ADAMTSL3: variants seen among roughly 807,000 people sequenced by gnomAD.
ADAMTSL3 encodes the protein ADAMTS-like protein 3.
In ADAMTSL3, 128 loss-of-function variants were observed where a neutral mutation model predicts 201.7. The observed-to-expected ratio is 0.63, with a 90% CI of 0.55 to 0.73. ADAMTSL3 has a LOEUF of 0.73. Among genes scored for constraint, ADAMTSL3 ranks in the 30% least tolerant of loss-of-function variants. The pLI is 0.00. For synonymous variants in ADAMTSL3, 738 were observed against 748.4 expected (o/e 0.99, Z 0.23); for missense variants, 1,990 against 2,119.6 (o/e 0.94, Z 1.20).
At chr15:83,768,550 C>T (rs1224796175) in intron 3 of ADAMTSL3, among the ~76,000 whole-genome samples, 1 of 152,126 alleles carries the variant, frequency 6.6e-6, no homozygotes, top group African/African-American at 2.4e-5. Context: ...CAAGAGAGAG[C>T]ATAGTTGCAA....
chr15:83,913,430 T>C, intron 16 of ADAMTSL3, 52 bp downstream of exon 16: 1 of 1,572,184 alleles, frequency 6.4e-7, no homozygotes, highest in African/African-American at 1.3e-5. Context: ...GCTAGTGGTT[T>C]GAGAAATTAC....
At chr15:83,925,899 G>A (rs1259049504) in intron 17 of ADAMTSL3, among the ~76,000 whole-genome samples, 2 of 152,188 alleles carry the variant, frequency 1.3e-5, no homozygotes, top group Non-Finnish European at 2.9e-5. Flanking sequence ...CTGTACAGGA[G>A]CAAGGCACAG....
At chr15:83,839,180 T>TATGTAGAATATAAGAGGAAACCAATAA (rs2064329378) in intron 7 of ADAMTSL3, among the ~76,000 whole-genome samples, 1 of 152,188 alleles carries the variant, frequency 6.6e-6, no homozygotes, top group South Asian at 2.1e-4. Flanking sequence ...CCGCCAAAGA[T>TATGTAGAATATAAGAGGAAACCAATAA]TTGATTTTAA....
intron 3 of ADAMTSL3, among the ~76,000 whole-genome samples, chr15:83,754,270 G>T (rs1304010119): frequency 6.6e-6 from 1 of 152,294 alleles, no homozygotes; most frequent in East Asian, 1.9e-4. Context: ...TGTGAGGCTG[G>T]AAGTTAATAA....
chr15:83,673,798 T>A (rs2061358128), intron 2 of ADAMTSL3, among the ~76,000 whole-genome samples: 1 of 152,214 alleles, frequency 6.6e-6, no homozygotes, highest in Non-Finnish European at 1.5e-5. Flanking sequence ...CAATCCCTGA[T>A]AAGGTCAAGA....
At chr15:83,997,253 A>C (rs1211999520) in intron 23 of ADAMTSL3, among the ~76,000 whole-genome samples, 1 of 152,196 alleles carries the variant, frequency 6.6e-6, no homozygotes, top group African/African-American at 2.4e-5. Context: ...AAGTTTGGGG[A>C]TAGAACTTTA....
At chr15:83,693,149 C>G (rs1240571414) in intron 2 of ADAMTSL3, among the ~76,000 whole-genome samples, 1 of 152,062 alleles carries the variant, frequency 6.6e-6, no homozygotes, top group Non-Finnish European at 1.5e-5. Flanking sequence ...TTGTCTGATA[C>G]TCAGTAATGG....
intron 2 of ADAMTSL3, among the ~76,000 whole-genome samples, chr15:83,683,050 G>A (rs1267819227): frequency 6.6e-6 from 1 of 152,146 alleles, no homozygotes; most frequent in Non-Finnish European, 1.5e-5. Context: ...GAAATATTTG[G>A]ACTTTGGCCA....
intron 16 of ADAMTSL3, among the ~76,000 whole-genome samples, chr15:83,918,541 T>C (rs1171494202): frequency 6.6e-6 from 1 of 152,160 alleles, no homozygotes; most frequent in Admixed American, 6.5e-5. Context: ...ACACGGATAA[T>C]TTCCAGCAGA....
intron 19 of ADAMTSL3, among the ~76,000 whole-genome samples, chr15:83,944,526 C>T (rs2066619547): frequency 6.6e-6 from 1 of 152,148 alleles, no homozygotes; most frequent in South Asian, 2.1e-4. Context: ...ATAGTCATGA[C>T]CTGCTCCTCT....
chr15:83,665,135 G>A (rs1322602786), intron 2 of ADAMTSL3, among the ~76,000 whole-genome samples: 1 of 152,160 alleles, frequency 6.6e-6, no homozygotes, highest in Non-Finnish European at 1.5e-5. Flanking sequence ...TGGAGAGTTA[G>A]CTGTGGACAA....
At chr15:83,942,823 A>AT in intron 18 of ADAMTSL3, 35 bp downstream of exon 18, 1 of 1,608,674 alleles carries the variant, frequency 6.2e-7, no homozygotes, top group Non-Finnish European at 8.5e-7. Context: ...GCCCTCTGTG[A>AT]TTATGACTGT....
At chr15:83,989,172 G>A (rs1228716011) in intron 22 of ADAMTSL3, among the ~76,000 whole-genome samples, 1 of 152,146 alleles carries the variant, frequency 6.6e-6, no homozygotes, top group Non-Finnish European at 1.5e-5. Context: ...GTGAGCCACC[G>A]CGCCTGGCTG....
At chr15:83,778,424 C>G (rs79296858) in intron 4 of ADAMTSL3, among the ~76,000 whole-genome samples, 1,671 of 152,320 alleles carry the variant, frequency 0.011, 26 homozygotes, top group African/African-American at 0.037. Flanking sequence ...GCAGACTTCT[C>G]AGCTGAAACC....
intron 2 of ADAMTSL3, among the ~76,000 whole-genome samples, chr15:83,681,058 A>G (rs1407562487): frequency 6.6e-6 from 1 of 152,198 alleles, no homozygotes; most frequent in African/African-American, 2.4e-5. Context: ...AGCATTTGCA[A>G]TAGCCCTATC....
intron 21 of ADAMTSL3, among the ~76,000 whole-genome samples, chr15:83,985,680 T>A (rs1368645255): frequency 6.6e-6 from 1 of 152,218 alleles, no homozygotes; most frequent in African/African-American, 2.4e-5. Flanking sequence ...TCACCCAGGC[T>A]GGAGTGCAGT....
intron 3 of ADAMTSL3, among the ~76,000 whole-genome samples, chr15:83,718,714 A>G (rs1248977275): frequency 6.6e-6 from 1 of 151,158 alleles, no homozygotes; most frequent in Non-Finnish European, 1.5e-5. Flanking sequence ...AAAAATTGGG[A>G]CAAAATTTGA....
intron 23 of ADAMTSL3, among the ~76,000 whole-genome samples, chr15:84,009,821 T>G (rs1205150284): frequency 6.6e-6 from 1 of 151,252 alleles, no homozygotes; most frequent in East Asian, 2.0e-4. Context: ...CTGCCGGAAA[T>G]GCTCTCCCTG....
intron 8 of ADAMTSL3, among the ~76,000 whole-genome samples, chr15:83,867,467 A>T (rs531640369): frequency 6.6e-6 from 1 of 152,250 alleles, no homozygotes; most frequent in Non-Finnish European, 1.5e-5. Flanking sequence ...AAATGTGTTT[A>T]ACTAGCAGTA....
Sources: gnomAD v4.1 joint callset for allele counts (sites outside exome capture counted in the v4.1 genomes callset) on GRCh38, gnomAD v4.1.1 for gene constraint, MANE v1.5 for transcripts, NCBI Gene and HGNC (gene_info 2026-07-23, HGNC 2026-07-21) for gene names.